HDAC4: variants seen among roughly 807,000 people sequenced by gnomAD.
The protein encoded by HDAC4 is histone deacetylase A.
HDAC4 carries 16 observed loss-of-function variants against 135.1 expected under a neutral mutation model. The ratio of observed to expected loss-of-function variants is 0.12; its 90% CI spans 0.08 to 0.18. The LOEUF (loss-of-function observed/expected upper bound fraction) is 0.18, where lower values mean the gene tolerates loss of function less well. HDAC4 is among the 10% of genes least tolerant of loss of function. The pLI, the probability that HDAC4 is intolerant of heterozygous loss-of-function variation, is 1.00. For missense variants in HDAC4, 1,143 were observed against 1,511.8 expected, an observed-to-expected ratio of 0.76 and a Z score of 4.05; for synonymous variants, 685 against 653.4, an observed-to-expected ratio of 1.05 and a Z score of -0.74.
At chr2:239,264,373 G>T (rs761563131) in intron 2 of HDAC4, among the ~76,000 whole-genome samples, 2 of 152,238 alleles carry the variant, frequency 1.3e-5, no homozygotes, top group Non-Finnish European at 2.9e-5. Flanking sequence ...AAAGACCGTG[G>T]GGGCAGGAAA....
chr2:239,082,013 G>C, intron 21 of HDAC4, 89 bp downstream of exon 21: 4 of 1,427,058 alleles, frequency 2.8e-6, no homozygotes, highest in Non-Finnish European at 3.9e-6. Context: ...CACTGCTGCC[G>C]GGCAGCTGTG....
intron 4 of HDAC4, 142 bp downstream of exon 4, chr2:239,189,691 C>A (rs886669777): frequency 2.6e-6 from 2 of 761,460 alleles, no homozygotes; most frequent in African/African-American, 3.4e-5. Context: ...CCTGGTGTTA[C>A]CGTCCCAACG....
At chr2:239,338,957 T>C (rs1477548851) in intron 2 of HDAC4, among the ~76,000 whole-genome samples, 2 of 152,254 alleles carry the variant, frequency 1.3e-5, no homozygotes, top group Non-Finnish European at 2.9e-5. Context: ...TGTGTTAAAC[T>C]GACTTGAAAG....
chr2:239,284,872 G>A (rs2051046156), intron 2 of HDAC4, among the ~76,000 whole-genome samples: 2 of 152,198 alleles, frequency 1.3e-5, no homozygotes, highest in Non-Finnish European at 2.9e-5. Flanking sequence ...GGAAACTTTT[G>A]TTTCATTGTG....
intron 22 of HDAC4, among the ~76,000 whole-genome samples, chr2:239,071,147 G>A (rs1375020363): frequency 1.3e-5 from 2 of 152,284 alleles, no homozygotes; most frequent in East Asian, 3.9e-4. Context: ...GCTGGGCACG[G>A]TGGCTCACGC....
At chr2:239,366,003 G>C (rs62182152) in intron 1 of HDAC4, among the ~76,000 whole-genome samples, 12,544 of 147,462 alleles carry the variant, frequency 0.085, 734 homozygotes, top group Non-Finnish European at 0.12. Context: ...TGTGGCACTG[G>C]TGGACACACA....
intron 9 of HDAC4, among the ~76,000 whole-genome samples, chr2:239,137,652 G>C (rs1446173928): frequency 6.6e-6 from 1 of 152,142 alleles, no homozygotes; most frequent in Non-Finnish European, 1.5e-5. Flanking sequence ...ATCCACTCGA[G>C]ACACCCCCTC....
intron 9 of HDAC4, among the ~76,000 whole-genome samples, chr2:239,138,792 C>T (rs3791474): frequency 0.25 from 38,440 of 152,076 alleles, 5,096 homozygotes; most frequent in Middle Eastern, 0.36. Flanking sequence ...GGGCCTGGCA[C>T]AAGGCGCTCG....
Position 239,134,312 on chromosome 2 carries a change from C to A in HDAC4, c.1227G>T (p.Ala409=), listed in dbSNP as rs768442788. 4 of 1,613,704 alleles carry A rather than the reference C, an allele frequency of 2.5e-6. No individual in the cohort carries two copies. Among genetic ancestry groups the A allele is most frequent in the Non-Finnish European group, 3.4e-6 (4 of 1,180,012 alleles). The part of the protein sequence containing the change: ...TSPLERDGGA[A]HSPLLQHMVL... ...CCATGTGCTGCAGAAGAGGGCTGTG[C>A]GCTGCCCCTCCGTCCCGCTCCAAGG... The change falls in exon 11 of 27, where the codon GCG becomes GCT. Residue 409 remains alanine, a synonymous_variant. Transcript: ENST00000543185.
At chr2:239,123,241 C>G (rs1388259496) in intron 12 of HDAC4, among the ~76,000 whole-genome samples, 1 of 152,224 alleles carries the variant, frequency 6.6e-6, no homozygotes, top group African/African-American at 2.4e-5. Context: ...TGTGAAAGTG[C>G]TTTTGACACC....
At chr2:239,071,060 T>TG (rs1179900602) in intron 22 of HDAC4, among the ~76,000 whole-genome samples, 1 of 151,936 alleles carries the variant, frequency 6.6e-6, no homozygotes, top group Non-Finnish European at 1.5e-5. Flanking sequence ...TCAAAGCTCT[T>TG]GCAAAGGTTT....
chr2:239,166,366 G>A (rs2043123513), intron 5 of HDAC4, among the ~76,000 whole-genome samples: 1 of 152,212 alleles, frequency 6.6e-6, no homozygotes, highest in South Asian at 2.1e-4. Flanking sequence ...GCTCTCTGTC[G>A]GTCTGAGAAA....
intron 16 of HDAC4, among the ~76,000 whole-genome samples, chr2:239,102,409 C>T (rs934185730): frequency 2.6e-5 from 4 of 152,240 alleles, no homozygotes; most frequent in Admixed American, 6.5e-5. Flanking sequence ...CCCTAGGCCT[C>T]CTCCTGGTCT....
chr2:239,247,071 T>A (rs2124862897), intron 2 of HDAC4, among the ~76,000 whole-genome samples: 1 of 152,332 alleles, frequency 6.6e-6, no homozygotes, highest in Middle Eastern at 3.4e-3. Context: ...CTGGATAGGT[T>A]CCCTTCAGTT....
At chr2:239,384,451 CAA>C (rs5839742) in intron 1 of HDAC4, among the ~76,000 whole-genome samples, 99 of 95,070 alleles carry the variant, frequency 1.0e-3, no homozygotes, top group South Asian at 3.1e-3. Flanking sequence ...CCTGTCTCTA[CAA>C]AAAAAAAAAA....
At chr2:239,254,415 G>A (rs576252512) in intron 2 of HDAC4, among the ~76,000 whole-genome samples, 3 of 144,584 alleles carry the variant, frequency 2.1e-5, no homozygotes, top group East Asian at 4.0e-4. Context: ...AACAAGCTGC[G>A]CTAAAAAAAA....
At chr2:239,138,613 C>A (rs1040939503) in intron 9 of HDAC4, among the ~76,000 whole-genome samples, 1 of 152,214 alleles carries the variant, frequency 6.6e-6, no homozygotes, top group African/African-American at 2.4e-5. Flanking sequence ...CCCCTCCCAC[C>A]CCTGCCCTGC....
chr2:239,325,897 CAG>C (rs1463662029), intron 2 of HDAC4, among the ~76,000 whole-genome samples: 1 of 151,924 alleles, frequency 6.6e-6, no homozygotes, highest in Non-Finnish European at 1.5e-5. Context: ...CCCCGGGGGA[CAG>C]AGGCTGCAGG....
intron 1 of HDAC4, among the ~76,000 whole-genome samples, chr2:239,380,015 C>G (rs999586586): frequency 2.6e-5 from 4 of 152,158 alleles, no homozygotes; most frequent in African/African-American, 9.7e-5. Flanking sequence ...GCCATCCAGC[C>G]GGGGGCGCCA....
Sources: allele counts gnomAD v4.1 joint callset (sites outside exome capture counted in the v4.1 genomes callset), GRCh38; gene constraint gnomAD v4.1.1; transcripts MANE v1.5; gene names NCBI Gene and HGNC (gene_info 2026-07-23, HGNC 2026-07-21).